PRSS22: variants seen among roughly 807,000 people sequenced by gnomAD.
PRSS22 encodes the protein serine protease 22, also known as brain-specific serine protease 4.
PRSS22 carries 26 observed loss-of-function variants against 28.0 expected under a neutral mutation model. The observed-to-expected ratio is 0.93, with a 90% CI of 0.68 to 1.29. The LOEUF is 1.29. Among genes scored for constraint, PRSS22 ranks in the 50% most tolerant of loss-of-function variants. The probability of loss-of-function intolerance (pLI) is 0.00; values close to 1 mark genes in which losing one functional copy is unlikely to be tolerated. For synonymous variants in PRSS22, 217 were observed against 177.9 expected, an observed-to-expected ratio of 1.22 and a Z score of -1.75; for missense variants, 444 against 422.1, an observed-to-expected ratio of 1.05 and a Z score of -0.46.
chr16:2,856,897 A>C (rs1433749525), intron 1 of PRSS22, 49 bp from the exon 2 acceptor site: 2 of 1,549,276 alleles, frequency 1.3e-6, no homozygotes, highest in Non-Finnish European at 1.7e-6. Context: ...GCCCCAGGAC[A>C]CAGTGGTGAG....
At position 2,853,076 on chromosome 16, in the gene PRSS22, C is replaced by T. The variant is rs1035568261; in HGVS notation, c.*17G>A. The T allele has an allele frequency of 2.0e-6, 3 of 1,511,940 alleles. No homozygotes were observed. The highest frequency in any genetic ancestry group is 1.2e-5 in the South Asian group (1 of 84,570). 93.7% of individuals were successfully genotyped at this position (1,511,940 alleles called of 1,614,324 possible). ...TCTGGCCGCCTTTCAGATCCGAGCC[C>T]CGCGTCCCGCTGCGCCCTAGGAGCG... On this transcript the variant is annotated 3_prime_UTR_variant, in exon 6 of 6. Transcript: ENST00000161006. This position sits in a 1 kb window ranked among gnomAD's most constrained non-coding sequence, Gnocchi z 4.6.
intron 1 of PRSS22, chr16:2,857,764 G>C: frequency 2.8e-6 from 1 of 358,760 alleles, no homozygotes; most frequent in Non-Finnish European, 5.0e-6. Context: ...GGAGAACACG[G>C]AGGCGAGAGG....
intron 4 of PRSS22, 38 bp from the exon 5 acceptor site, chr16:2,854,060 C>A (rs757322021): frequency 7.4e-6 from 12 of 1,611,956 alleles, no homozygotes; most frequent in Non-Finnish European, 1.0e-5. Context: ...TTGGGGGTCT[C>A]CCCTCCTCGT....
Position 2,853,290 on chromosome 16 carries a change from C to T in PRSS22, c.757G>A (p.Ala253Thr). The T allele has an allele frequency of 6.3e-7, 1 of 1,599,266 alleles. No homozygotes were observed. Among genetic ancestry groups the T allele is most frequent in the Non-Finnish European group, 8.5e-7 (1 of 1,179,386 alleles). ...CTGATGATGCCGGCCAGCAGCCAGG[C>T]GCCGTCCACCTGGCACATGAGGGGG... is the stretch of plus-strand genomic sequence containing the variant. ...GGPLMCQVDG[A>T]WLLAGIISWG... The change falls in exon 6 of 6, where the codon GCC (alanine) becomes ACC (threonine). Residue 253 changes from alanine (A) to threonine (T), a missense_variant. Coordinates refer to ENST00000161006, the MANE Select transcript of PRSS22 (RefSeq NM_022119.4). The surrounding 1 kb of genome is among the most constrained non-coding windows in gnomAD (Gnocchi z 4.6).
rs376993757 is a variant in PRSS22 at position 2,852,795 on chromosome 16, C to T, written c.*298G>A. ...GATATGTGGGCAGGGTTACAAATAC[C>T]TATAAAAATCATTAACATTTATATA... On this transcript the variant is annotated 3_prime_UTR_variant, in exon 6 of 6. Transcript: ENST00000161006. 4 of 417,494 alleles carry T rather than the reference C, an allele frequency of 9.6e-6. No homozygotes were observed. In the East Asian group the frequency reaches 1.7e-4, roughly 17 times the overall value. The allele number at this position is 417,494 out of a possible 1,614,324, so 25.9% of individuals were successfully genotyped here.
chr16:2,857,754 G>C (rs1450469797), intron 1 of PRSS22: 1 of 346,276 alleles, frequency 2.9e-6, no homozygotes. Context: ...CGAGGAGATG[G>C]GAGAACACGG....
At chr16:2,856,300 A>AC (rs1181171346) in intron 2 of PRSS22, 47 bp from the exon 3 acceptor site, 1 of 1,597,472 alleles carries the variant, frequency 6.3e-7, no homozygotes, top group Non-Finnish European at 8.6e-7. Flanking sequence ...CCTACAACCC[A>AC]CCCCCGGAAT....
chr16:2,857,046 G>A, intron 1 of PRSS22, 198 bp from the exon 2 acceptor site: 1 of 646,506 alleles, frequency 1.5e-6, no homozygotes, highest in South Asian at 1.8e-5. Flanking sequence ...ACCCCCTGAG[G>A]AGGGTCCCTC....
In PRSS22 at chr16:2,856,207, G is replaced by T. The variant is rs150572986; in HGVS notation, c.156C>A (p.Gly52=). 6.2e-7 allele frequency: 1 copy of T among 1,613,656 alleles called. No individual in the cohort carries two copies. Among genetic ancestry groups the T allele is most frequent in the East Asian group, 2.2e-5 (1 of 44,872 alleles). ...GKPQQLNRVV[G]GEDSTDSEWP... ...ACTCGCTGTCAGTGCTGTCCTCGCC[G>T]CCCACAACCCGGTTCAGCTGCTGGG... Residue 52 remains glycine, a synonymous_variant, in exon 3 of 6, where the codon GGC becomes GGA. Coordinates refer to ENST00000161006, the MANE Select transcript of PRSS22 (RefSeq NM_022119.4).
Position 2,853,858 on chromosome 16 carries a change from A to T in PRSS22, c.717+7T>A, listed in dbSNP as rs2069429684. The stretch of plus-strand genomic sequence containing the variant: ...TGGCCAGGGGTGGGGGGCTCGAGGG[A>T]GCTCACCAGACAAGCATCCCGCTCC... On this transcript the variant is annotated splice_region_variant and intron_variant, in intron 5 of 5. Transcript: ENST00000161006. This position sits in a 1 kb window ranked among gnomAD's most constrained non-coding sequence, Gnocchi z 4.6. 6.2e-7 allele frequency: 1 copy of T among 1,613,256 alleles called. No individual in the cohort carries two copies. Among genetic ancestry groups the T allele is most frequent in the Admixed American group, 1.7e-5 (1 of 59,974 alleles).
intron 4 of PRSS22, 169 bp from the exon 5 acceptor site, chr16:2,854,191 C>G (rs984102962): frequency 2.9e-6 from 2 of 696,756 alleles, no homozygotes; most frequent in Admixed American, 5.8e-5. Flanking sequence ...AATTCCAGGT[C>G]TCCACCTCTG....
chr16:2,854,275 T>C lies in PRSS22; in HGVS notation c.560-253A>G, dbSNP rs77724823. 2.2e-3 allele frequency: 1,031 copies of C among 462,492 alleles called. 13 individuals are homozygous for C. Among genetic ancestry groups the C allele is most frequent in the African/African-American group, 0.018 (910 of 51,616 alleles). The allele number at this position is 462,492 out of a possible 1,614,324, so 28.6% of individuals were successfully genotyped here. ...TAATAAATTTTCTTATATCCACAGA[T>C]GGTTAGAGCCCTTCCTGTCTCAGAT... On this transcript the variant is annotated intron_variant, in intron 4 of 5. Coordinates refer to ENST00000161006, the MANE Select transcript of PRSS22 (RefSeq NM_022119.4).
rs200219049 is a variant in PRSS22, at chr16:2,855,570, G to A, written c.559+4C>T. 4,352 of 1,613,774 alleles carry A rather than the reference G, an allele frequency of 2.7e-3. 17 individuals are homozygous for A. Among genetic ancestry groups the A allele is most frequent in the South Asian group, 4.3e-3 (391 of 91,064 alleles). ...CAACCACCTTGGAGAGGAAGAAGCCGCACCTCCATCTTGGATGCTCCCCCA... is the reference window on the plus strand; with the variant it reads ...CAACCACCTTGGAGAGGAAGAAGCCACACCTCCATCTTGGATGCTCCCCCA... On this transcript the variant is annotated splice_donor_region_variant and intron_variant, in intron 4 of 5. Coordinates refer to ENST00000161006, the MANE Select transcript of PRSS22 (RefSeq NM_022119.4).
rs763375445 is a variant in PRSS22, at chr16:2,853,360, C to T, written c.718-31G>A. 2 of 1,557,658 alleles carry T rather than the reference C, an allele frequency of 1.3e-6. No individual in the cohort carries two copies. The highest frequency in any genetic ancestry group is 1.7e-6 in the Non-Finnish European group (2 of 1,151,696). On this transcript the variant is annotated intron_variant, in intron 5 of 5. Coordinates refer to ENST00000161006, the MANE Select transcript of PRSS22 (RefSeq NM_022119.4). This position sits in a 1 kb window ranked among gnomAD's most constrained non-coding sequence, Gnocchi z 4.6. ...GAGAGGAGGCGAGGTTAGGAACCCC[C>T]GTGGCACAGGGGGTGGCAGAATCCA...
intron 4 of PRSS22, among the ~76,000 whole-genome samples, chr16:2,855,364 AAAAG>A (rs2069444584): frequency 1.3e-5 from 2 of 148,882 alleles, no homozygotes; most frequent in Non-Finnish European, 3.0e-5. Flanking sequence ...AAAAAAAAAA[AAAAG>A]AAGAAGAAGA....
chr16:2,856,044 C>T, intron 3 of PRSS22, 38 bp downstream of exon 3: 1 of 1,605,794 alleles, frequency 6.2e-7, no homozygotes, highest in Non-Finnish European at 8.5e-7. Context: ...AAGCCCAGGG[C>T]CTTAGAAGAT....
At chr16:2,857,896 G>A (rs1291394831) in intron 1 of PRSS22, 127 bp downstream of exon 1, 1 of 645,984 alleles carries the variant, frequency 1.5e-6, no homozygotes, top group Non-Finnish European at 2.2e-6. Flanking sequence ...TAAGGAGCAA[G>A]AGATAAACAG....
Position 2,854,041 on chromosome 16 carries a change from G to A in PRSS22, c.560-19C>T, listed in dbSNP as rs752620496. The A allele has an allele frequency of 6.2e-7, 1 of 1,613,970 alleles. No homozygotes were observed. Among genetic ancestry groups the A allele is most frequent in the Non-Finnish European group, 8.5e-7 (1 of 1,179,986 alleles). Reference sequence around the variant, plus strand: ...AAGGGAACTGGGAGGAAAGAGGACAGAATCAGGTTTGGGGGTCTCCCCTCC... The same window carrying A: ...AAGGGAACTGGGAGGAAAGAGGACAAAATCAGGTTTGGGGGTCTCCCCTCC... On this transcript the variant is annotated intron_variant, in intron 4 of 5. Transcript: ENST00000161006.
chr16:2,856,097 G>A lies in PRSS22; in HGVS notation c.266C>T (p.Ala89Val). The change falls in exon 3 of 6, where the codon GCC becomes GTC. Residue 89 changes from alanine to valine, a missense_variant. Ala to Val is a moderately conservative substitution (Grantham distance 64). Transcript: ENST00000161006. Reference sequence around the variant, plus strand: ...CTGTACATACTCCTTGAAACAGTGGGCAGCAGTGATCACCCAGCGGCTGGT... The same window carrying A: ...CTGTACATACTCCTTGAAACAGTGGACAGCAGTGATCACCCAGCGGCTGGT... ...LLTSRWVITA[A>V]HCFKDNLNKP... The A allele has an allele frequency of 6.2e-7, 1 of 1,613,896 alleles. No homozygotes were observed. Among genetic ancestry groups the A allele is most frequent in the Non-Finnish European group, 8.5e-7 (1 of 1,179,928 alleles).
Sources: allele counts gnomAD v4.1 joint callset (sites outside exome capture counted in the v4.1 genomes callset), GRCh38; gene constraint gnomAD v4.1.1; non-coding constraint Gnocchi (gnomAD v3.1); transcripts MANE v1.5; gene names NCBI Gene and HGNC (gene_info 2026-07-23, HGNC 2026-07-21).